Variants in MYLK4 observed in about 807,000 individuals in gnomAD.
MYLK4 encodes the protein caMLCK like.
Under a neutral mutation model 48.1 loss-of-function variants are expected in MYLK4, and 46 were observed. That is an observed-to-expected ratio of 0.96 (90% CI 0.75 to 1.22). The LOEUF (loss-of-function observed/expected upper bound fraction) is 1.22, where lower values mean the gene tolerates loss of function less well. Ranked by LOEUF, MYLK4 falls within the 50% of genes most tolerant of loss-of-function variation. The probability of loss-of-function intolerance (pLI) is 0.00; values close to 1 mark genes in which losing one functional copy is unlikely to be tolerated. For missense variants in MYLK4, 451 were observed against 486.1 expected (o/e 0.93, Z 0.68); for synonymous variants, 170 against 180.8 (o/e 0.94, Z 0.48).
chr6:2,723,872 A>T (rs1763156628), intron 2 of MYLK4, among the ~76,000 whole-genome samples: 1 of 151,682 alleles, frequency 6.6e-6, no homozygotes, highest in Non-Finnish European at 1.5e-5. Context: ...ATTTTATTTT[A>T]TTTTATTTTA....
At chr6:2,743,110 G>T (rs957626659) in intron 2 of MYLK4, among the ~76,000 whole-genome samples, 1 of 152,054 alleles carries the variant, frequency 6.6e-6, no homozygotes, top group Non-Finnish European at 1.5e-5. Flanking sequence ...TTTAATGGGA[G>T]GAGTCAACTA....
chr6:2,753,356 A>G (rs1764343568), upstream of MYLK4, among the ~76,000 whole-genome samples: 1 of 152,256 alleles, frequency 6.6e-6, no homozygotes, highest in Non-Finnish European at 1.5e-5. Context: ...TTTCCAGAAC[A>G]AGACCTCTTG....
Position 2,749,321 on chromosome 6 carries a change from TTTC to T in MYLK4, c.-30_-28del. ...TTAGTAGTGAGTCCGATTAAGCTAC[TTTC>T]TGGAGTGTGGTTTTCGTCTCCCTCT... On this transcript the variant is annotated 5_prime_UTR_variant, in exon 2 of 13. Coordinates refer to ENST00000274643, the MANE Select transcript of MYLK4 (RefSeq NM_001012418.5). 6.3e-7 allele frequency: 1 copy of T among 1,598,582 alleles called. No individual in the cohort carries two copies. The highest frequency in any genetic ancestry group is 2.2e-5 in the East Asian group (1 of 44,666).
At chr6:2,742,194 A>G (rs1476554210) in intron 2 of MYLK4, among the ~76,000 whole-genome samples, 2 of 152,206 alleles carry the variant, frequency 1.3e-5, no homozygotes, top group East Asian at 3.8e-4. Context: ...CTTCATATGA[A>G]CTTGATGCTC....
chr6:2,745,048 G>A (rs1165673198), intron 2 of MYLK4, among the ~76,000 whole-genome samples: 46 of 152,182 alleles, frequency 3.0e-4, no homozygotes, highest in Admixed American at 2.9e-3. Context: ...GGCAGGTGGG[G>A]AAAACCAACG....
chr6:2,739,633 A>G (rs184652575), intron 2 of MYLK4, among the ~76,000 whole-genome samples: 12 of 152,328 alleles, frequency 7.9e-5, no homozygotes, highest in African/African-American at 2.6e-4. Flanking sequence ...ATCACCCTCA[A>G]TGGACTGGCA....
chr6:2,667,072 C>A lies in MYLK4; in HGVS notation c.*853G>T, dbSNP rs991583440. On this transcript the variant is annotated 3_prime_UTR_variant, in exon 13 of 13. Transcript: ENST00000274643. The stretch of plus-strand genomic sequence containing the variant: ...GTGCAGATCCGTCTCTTTTAGTTGA[C>A]AAATGGGGCTTGAGGAAACCTGTTG... The A allele has an allele frequency of 1.3e-5, 2 of 152,208 alleles. No individual in the cohort carries two copies. Among genetic ancestry groups the A allele is most frequent in the African/African-American group, 4.8e-5 (2 of 41,434 alleles). The allele number at this position is 152,208 out of a possible 1,614,324, so 9.4% of individuals were successfully genotyped here.
intron 10 of MYLK4, among the ~76,000 whole-genome samples, chr6:2,677,878 C>T (rs1761137673): frequency 6.6e-6 from 1 of 152,170 alleles, no homozygotes; most frequent in Non-Finnish European, 1.5e-5. Context: ...AAAGATTCAG[C>T]TACACGGAAC....
chr6:2,724,807 C>T (rs1464726677), intron 2 of MYLK4, among the ~76,000 whole-genome samples: 1 of 152,116 alleles, frequency 6.6e-6, no homozygotes, highest in Non-Finnish European at 1.5e-5. Flanking sequence ...AGGGAGACCT[C>T]GTATTCTATT....
chr6:2,680,483 C>A (rs1761254311), intron 7 of MYLK4, 192 bp from the exon 8 acceptor site: 1 of 985,364 alleles, frequency 1.0e-6, no homozygotes, highest in Non-Finnish European at 1.2e-6. Context: ...TCCTGCCAAC[C>A]CTGCATTATC....
At chr6:2,694,208 G>A (rs1761927169) in intron 2 of MYLK4, among the ~76,000 whole-genome samples, 1 of 152,104 alleles carries the variant, frequency 6.6e-6, no homozygotes, top group African/African-American at 2.4e-5. Flanking sequence ...TTCTCTTTAA[G>A]TGAAAGTCCA....
At chr6:2,760,863 CAGA>C in the MYLK4 span, among the ~76,000 whole-genome samples, 1 of 152,014 alleles carries the variant, frequency 6.6e-6, no homozygotes, top group East Asian at 1.9e-4. Context: ...GCATAGATTC[CAGA>C]AGATGTAGTG....
At chr6:2,768,967 C>G in the MYLK4 span, 1 of 1,368,238 alleles carries the variant, frequency 7.3e-7, no homozygotes, top group Non-Finnish European at 9.9e-7. Context: ...ACGCTAGAGA[C>G]TTACGAGCTT....
chr6:2,732,255 C>A (rs1324167699), intron 2 of MYLK4, among the ~76,000 whole-genome samples: 2 of 152,190 alleles, frequency 1.3e-5, no homozygotes, highest in Non-Finnish European at 2.9e-5. Flanking sequence ...GAGCCAGGCA[C>A]AGTCCAAGCC....
In MYLK4 at chr6:2,688,895, C is replaced by A. The variant is rs143708079; in HGVS notation, c.297G>T (p.Ala99=). 1.2e-6 allele frequency: 2 copies of A among 1,614,032 alleles called. No homozygotes were observed. The highest frequency in any genetic ancestry group is 2.7e-5 in the African/African-American group (2 of 74,914). Residue 99 remains alanine, a synonymous_variant, in exon 4 of 13, where the codon GCG becomes GCT. Coordinates refer to ENST00000274643, the MANE Select transcript of MYLK4 (RefSeq NM_001012418.5). ...DHRIVTAKQG[A]VNSFYTVSKT... Reference sequence around the variant, plus strand: ...TGCTCACAGTATAGAAGCTGTTGACCGCTCCTTGCTTGGCTGTCACAATAC... The same window carrying A: ...TGCTCACAGTATAGAAGCTGTTGACAGCTCCTTGCTTGGCTGTCACAATAC...
chr6:2,698,433 C>G (rs1762150842), intron 2 of MYLK4, among the ~76,000 whole-genome samples: 1 of 152,200 alleles, frequency 6.6e-6, no homozygotes, highest in Non-Finnish European at 1.5e-5. Flanking sequence ...AAAGGAATAG[C>G]CTAATGGAAT....
chr6:2,687,986 A>G (rs1026027509), intron 4 of MYLK4, among the ~76,000 whole-genome samples: 1 of 151,602 alleles, frequency 6.6e-6, no homozygotes, highest in Non-Finnish European at 1.5e-5. Context: ...GAAGAAGAAC[A>G]CCCTCTCCCC....
At chr6:2,719,955 T>C (rs1763009720) in intron 2 of MYLK4, among the ~76,000 whole-genome samples, 2 of 151,008 alleles carry the variant, frequency 1.3e-5, no homozygotes, top group African/African-American at 4.9e-5. Context: ...CTGGTGAACA[T>C]GGCAAAACCC....
At chr6:2,763,008 C>G in the MYLK4 span, among the ~76,000 whole-genome samples, 1 of 152,202 alleles carries the variant, frequency 6.6e-6, no homozygotes, top group African/African-American at 2.4e-5. Context: ...AAAAGAAAGC[C>G]AAGCGGGTCT....
Sources: gnomAD v4.1 joint callset for allele counts (sites outside exome capture counted in the v4.1 genomes callset) on GRCh38, gnomAD v4.1.1 for gene constraint, MANE v1.5 for transcripts, NCBI Gene and HGNC (gene_info 2026-07-23, HGNC 2026-07-21) for gene names.